UBE2QL1: variants seen among roughly 807,000 people sequenced by gnomAD.
UBE2QL1 encodes ubiquitin conjugating enzyme E2 QL1.
Under a neutral mutation model 12.6 loss-of-function variants are expected in UBE2QL1, and 5 were observed. That is an observed-to-expected ratio of 0.40 (90% CI 0.21 to 0.83). The LOEUF (loss-of-function observed/expected upper bound fraction) is 0.83, where lower values mean the gene tolerates loss of function less well. Ranked by LOEUF, UBE2QL1 falls within the 40% of genes least tolerant of loss-of-function variation. UBE2QL1 has a pLI of 0.37. For missense variants in UBE2QL1, 99 were observed against 222.6 expected (o/e 0.44, Z 3.53); for synonymous variants, 96 against 94.5 (o/e 1.02, Z -0.10).
At position 6,478,416 on chromosome 5, in the gene UBE2QL1, G is replaced by A. The variant is rs566577541; in HGVS notation, c.355-12802G>A. ...CACCTCAGCAGTGAAAGCACCAGGC[G>A]CCATTTACCTGGGTTGTCTGTGAAA... On this transcript the variant is annotated intron_variant, in intron 1 of 1. Transcript: ENST00000399816. This position sits in a 1 kb window ranked among gnomAD's most constrained non-coding sequence, Gnocchi z 4.5. Among the ~76,000 whole-genome samples the A allele has an allele frequency of 5.3e-5, 8 of 152,302 alleles. No homozygotes were observed. In the South Asian group the frequency reaches 8.3e-4, roughly 16 times the overall value.
At chr5:6,489,380 C>T (rs1409412404) in intron 1 of UBE2QL1, among the ~76,000 whole-genome samples, 1 of 151,310 alleles carries the variant, frequency 6.6e-6, no homozygotes, top group Non-Finnish European at 1.5e-5. Flanking sequence ...GCTACGATCG[C>T]GCCACTGCAC....
In UBE2QL1 at chr5:6,449,224, G is replaced by T. The variant is rs1238148660; in HGVS notation, c.331G>T (p.Ala111Ser). 6.9e-7 allele frequency: 1 copy of T among 1,458,524 alleles called. No individual in the cohort carries two copies. The highest frequency in any genetic ancestry group is 2.8e-5 in the East Asian group (1 of 35,138). 90.3% of individuals were successfully genotyped at this position (1,458,524 alleles called of 1,614,324 possible). The stretch of plus-strand genomic sequence containing the variant: ...CGTGGAGGCCGTCATGCGCCAGTTC[G>T]CAGCCAGCCTGGTCAAGGGCCAGGT... ...YTVEAVMRQF[A>S]ASLVKGQGRI... The change falls in exon 1 of 2, where the codon GCA becomes TCA. Residue 111 changes from alanine (A) to serine (S), a missense_variant. Ala to Ser is a moderately conservative substitution (Grantham distance 99). Transcript: ENST00000399816.
chr5:6,475,931 C>G (rs1249482786), intron 1 of UBE2QL1, among the ~76,000 whole-genome samples: 1 of 152,102 alleles, frequency 6.6e-6, no homozygotes, highest in Admixed American at 6.5e-5. Flanking sequence ...GGGCCTGGCC[C>G]CTGCTGATAG....
chr5:6,487,246 G>A (rs1734483661), intron 1 of UBE2QL1, among the ~76,000 whole-genome samples: 1 of 152,202 alleles, frequency 6.6e-6, no homozygotes, highest in South Asian at 2.1e-4. Context: ...TTTTCATGCT[G>A]CATCATTGCT....
intron 1 of UBE2QL1, among the ~76,000 whole-genome samples, chr5:6,449,506 G>A (rs756410823): frequency 8.1e-5 from 12 of 148,936 alleles, no homozygotes; most frequent in Non-Finnish European, 4.4e-5. Flanking sequence ...CTCTGGTATC[G>A]GTCTCTGCCG....
intron 1 of UBE2QL1, among the ~76,000 whole-genome samples, chr5:6,459,320 GAATTA>G (rs943756300): frequency 2.0e-5 from 3 of 152,212 alleles, no homozygotes; most frequent in East Asian, 1.9e-4. Flanking sequence ...GAACTGAATT[GAATTA>G]AAGTGCTTAT....
At chr5:6,482,585 CCA>C (rs1483584333) in intron 1 of UBE2QL1, among the ~76,000 whole-genome samples, 2 of 150,604 alleles carry the variant, frequency 1.3e-5, no homozygotes, top group African/African-American at 4.8e-5. Flanking sequence ...CTCCCACAGT[CCA>C]CTCTAGAGCA....
chr5:6,469,635 G>T (rs1488868781), intron 1 of UBE2QL1, among the ~76,000 whole-genome samples: 1 of 150,542 alleles, frequency 6.6e-6, no homozygotes, highest in East Asian at 1.9e-4. Context: ...TATGTTTAAA[G>T]TAGTTATATA....
At chr5:6,456,027 G>T (rs1739515185) in intron 1 of UBE2QL1, among the ~76,000 whole-genome samples, 1 of 152,174 alleles carries the variant, frequency 6.6e-6, no homozygotes, top group South Asian at 2.1e-4. Context: ...AGGGTGGTGT[G>T]AGCAGACCCT....
At chr5:6,465,989 A>C (rs1739780713) in intron 1 of UBE2QL1, among the ~76,000 whole-genome samples, 1 of 149,150 alleles carries the variant, frequency 6.7e-6, no homozygotes, top group African/African-American at 2.5e-5. Flanking sequence ...GCCCCAGGCG[A>C]CCTCCCTCCC....
In UBE2QL1 at chr5:6,491,341, G is replaced by C; in HGVS notation, c.478G>C (p.Asp160His). The part of the protein sequence containing the change: ...KYGWVTPPVS[D>H]G ...TGGTTGGGTCACCCCGCCCGTGTCC[G>C]ACGGCTGATGTCTGCCACGTGCAGT... The change falls in exon 2 of 2, where the codon GAC (aspartate) becomes CAC (histidine). Residue 160 changes from aspartate to histidine, a missense_variant. Physicochemically the swap from Asp to His is moderately conservative, Grantham distance 81. Coordinates refer to ENST00000399816, the MANE Select transcript of UBE2QL1 (RefSeq NM_001145161.3). 6.5e-7 allele frequency: 1 copy of C among 1,550,060 alleles called. No individual in the cohort carries two copies. Among genetic ancestry groups the C allele is most frequent in the Non-Finnish European group, 8.7e-7 (1 of 1,146,318 alleles).
chr5:6,482,641 C>G (rs532792766), intron 1 of UBE2QL1, among the ~76,000 whole-genome samples: 1 of 152,138 alleles, frequency 6.6e-6, no homozygotes, highest in African/African-American at 2.4e-5. Flanking sequence ...GAGTGCTTGG[C>G]AATAGGCAGA....
intron 1 of UBE2QL1, among the ~76,000 whole-genome samples, chr5:6,449,709 C>T (rs1266940174): frequency 6.6e-6 from 1 of 151,036 alleles, no homozygotes; most frequent in Non-Finnish European, 1.5e-5. Flanking sequence ...TCTCCACCCT[C>T]CCTGGCTCCC....
intron 1 of UBE2QL1, among the ~76,000 whole-genome samples, chr5:6,466,202 C>T (rs1739788882): frequency 6.6e-6 from 1 of 152,252 alleles, no homozygotes; most frequent in African/African-American, 2.4e-5. Context: ...CCTGTTTCCT[C>T]TTCCAAAAAC....
At position 6,496,717 on chromosome 5, in the gene UBE2QL1, C is replaced by T. The variant is rs1037995454; in HGVS notation, c.*5368C>T. Among the ~76,000 whole-genome samples, 4 of 152,130 alleles carry T rather than the reference C, an allele frequency of 2.6e-5. No individual in the cohort carries two copies. The highest frequency in any genetic ancestry group is 1.9e-4 in the East Asian group (1 of 5,190). ...ACTTTAAAACCAATAAACGTCTTTACACGGAATGCTTGCTGTGTCCTCGCA... is the reference window on the plus strand; with the variant it reads ...ACTTTAAAACCAATAAACGTCTTTATACGGAATGCTTGCTGTGTCCTCGCA... On this transcript the variant is annotated 3_prime_UTR_variant, in exon 2 of 2. Transcript: ENST00000399816.
intron 1 of UBE2QL1, among the ~76,000 whole-genome samples, chr5:6,452,426 C>A (rs2126319015): frequency 6.6e-6 from 1 of 152,212 alleles, no homozygotes; most frequent in Non-Finnish European, 1.5e-5. Flanking sequence ...TTACTAAACC[C>A]TCTTTTGACT....
intron 1 of UBE2QL1, among the ~76,000 whole-genome samples, chr5:6,484,381 C>T (rs1269464372): frequency 1.3e-5 from 2 of 152,160 alleles, no homozygotes; most frequent in Admixed American, 1.3e-4. Flanking sequence ...GGCTGCCTGT[C>T]TTTGGTCTTG....
chr5:6,491,170 G>T, intron 1 of UBE2QL1, 48 bp from the exon 2 acceptor site: 1 of 1,485,548 alleles, frequency 6.7e-7, no homozygotes, highest in South Asian at 1.4e-5. Context: ...GTAGGAAACA[G>T]AATTCCCAGT....
At chr5:6,455,636 G>T (rs1739505066) in intron 1 of UBE2QL1, among the ~76,000 whole-genome samples, 1 of 152,102 alleles carries the variant, frequency 6.6e-6, no homozygotes, top group Non-Finnish European at 1.5e-5. Flanking sequence ...CTAGGATCAG[G>T]CCCTGACAGA....
Sources: allele counts gnomAD v4.1 joint callset (sites outside exome capture counted in the v4.1 genomes callset), GRCh38; gene constraint gnomAD v4.1.1; non-coding constraint Gnocchi (gnomAD v3.1); transcripts MANE v1.5; gene names NCBI Gene and HGNC (gene_info 2026-07-23, HGNC 2026-07-21).